The following CALCRL variants were observed in gnomAD, a reference collection of about 807,000 sequenced individuals.
The protein encoded by CALCRL is calcitonin gene-related peptide type 1 receptor.
CALCRL carries 27 observed loss-of-function variants against 60.4 expected under a neutral mutation model. The ratio of observed to expected loss-of-function variants is 0.45; its 90% CI spans 0.33 to 0.62. The LOEUF (loss-of-function observed/expected upper bound fraction) is 0.62. Among genes scored for constraint, CALCRL ranks in the 20% least tolerant of loss-of-function variants. The pLI is 0.03. For missense variants in CALCRL, 424 were observed against 540.7 expected (o/e 0.78, Z 2.14); for synonymous variants, 190 against 182.6 (o/e 1.04, Z -0.33).
At chr2:187,386,151 G>A (rs1409547086) in intron 3 of CALCRL, among the ~76,000 whole-genome samples, 1 of 39,646 alleles carries the variant, frequency 2.5e-5, no homozygotes, top group Admixed American at 2.9e-4. Context: ...AGATAGATAA[G>A]TAATTAGAAA....
chr2:187,371,137 A>G (rs1687500632), intron 8 of CALCRL, among the ~76,000 whole-genome samples: 1 of 151,986 alleles, frequency 6.6e-6, no homozygotes, highest in East Asian at 1.9e-4. Flanking sequence ...CCAGCTACTC[A>G]GGAGGCTGAG....
At chr2:187,444,659 A>G in intron 1 of CALCRL, among the ~76,000 whole-genome samples, 1 of 151,542 alleles carries the variant, frequency 6.6e-6, no homozygotes, top group East Asian at 1.9e-4. Context: ...CTAGTAACCT[A>G]GGAAACATAG....
chr2:187,362,615 A>G (rs1687104214), intron 9 of CALCRL, among the ~76,000 whole-genome samples: 1 of 152,024 alleles, frequency 6.6e-6, no homozygotes, highest in South Asian at 2.1e-4. Context: ...TCCCATAAAC[A>G]TTATAAAAGC....
At chr2:187,393,590 A>G (rs1688538363) in intron 1 of CALCRL, among the ~76,000 whole-genome samples, 1 of 152,128 alleles carries the variant, frequency 6.6e-6, no homozygotes, top group Admixed American at 6.6e-5. Flanking sequence ...GGCAGGCAGC[A>G]TATTCATCTC....
chr2:187,409,482 T>C (rs1378827172), intron 1 of CALCRL, among the ~76,000 whole-genome samples: 2 of 152,230 alleles, frequency 1.3e-5, no homozygotes, highest in Admixed American at 1.3e-4. Context: ...AGACAGCAAC[T>C]GTCCAAAGCA....
At chr2:187,359,004 G>T in intron 12 of CALCRL, 59 bp downstream of exon 12, 1 of 1,356,012 alleles carries the variant, frequency 7.4e-7, no homozygotes, top group Non-Finnish European at 1.1e-6. Context: ...TAGGCCAGAT[G>T]ATTCAGAAAT....
intron 12 of CALCRL, among the ~76,000 whole-genome samples, chr2:187,354,737 C>G (rs1175011432): frequency 1.3e-5 from 2 of 151,986 alleles, no homozygotes; most frequent in Non-Finnish European, 2.9e-5. Flanking sequence ...TACTGACCAG[C>G]TTGATGGGCT....
intron 1 of CALCRL, among the ~76,000 whole-genome samples, chr2:187,414,891 A>T (rs5025473): frequency 0.2 from 345 of 1,686 alleles, 3 homozygotes; most frequent in African/African-American, 0.39. Flanking sequence ...TTTTTTTTTA[A>T]AAAAAAAAAG....
At chr2:187,391,749 C>T (rs1688456023) in intron 1 of CALCRL, among the ~76,000 whole-genome samples, 1 of 151,866 alleles carries the variant, frequency 6.6e-6, no homozygotes, top group Non-Finnish European at 1.5e-5. Context: ...GCTTTGGCCC[C>T]CAATATCTTC....
intron 1 of CALCRL, among the ~76,000 whole-genome samples, chr2:187,392,533 C>G (rs1688490827): frequency 6.6e-6 from 1 of 152,098 alleles, no homozygotes; most frequent in Non-Finnish European, 1.5e-5. Context: ...AGTTCCACAC[C>G]TGCATGGCAA....
chr2:187,361,305 G>A (rs1250515450), intron 9 of CALCRL, among the ~76,000 whole-genome samples: 1 of 151,764 alleles, frequency 6.6e-6, no homozygotes, highest in Non-Finnish European at 1.5e-5. Context: ...ACAAAATTAT[G>A]GTTTCCCTTC....
At chr2:187,413,836 G>C (rs1449288260) in intron 1 of CALCRL, among the ~76,000 whole-genome samples, 1 of 152,046 alleles carries the variant, frequency 6.6e-6, no homozygotes, top group Non-Finnish European at 1.5e-5. Context: ...CTGGAAATTT[G>C]CTTCTAATTA....
intron 1 of CALCRL, among the ~76,000 whole-genome samples, chr2:187,401,654 C>T (rs1688891898): frequency 6.6e-6 from 1 of 151,452 alleles, no homozygotes; most frequent in Non-Finnish European, 1.5e-5. Flanking sequence ...TTTCTCCTGT[C>T]AGTGATTTCA....
chr2:187,350,429 T>TTC (rs3836103), intron 14 of CALCRL, among the ~76,000 whole-genome samples: 13,432 of 151,536 alleles, frequency 0.089, 711 homozygotes, highest in South Asian at 0.17. Context: ...TGTAACTGCA[T>TTC]TCTGTCTATG....
intron 1 of CALCRL, among the ~76,000 whole-genome samples, chr2:187,407,350 A>G: frequency 6.6e-6 from 1 of 152,130 alleles, no homozygotes; most frequent in East Asian, 1.9e-4. Context: ...GAGAATAAAG[A>G]CTGGTTAAGA....
At chr2:187,413,500 G>A (rs566739164) in intron 1 of CALCRL, among the ~76,000 whole-genome samples, 4 of 152,146 alleles carry the variant, frequency 2.6e-5, no homozygotes, top group South Asian at 4.1e-4. Context: ...AAGAGAATGC[G>A]ATAAGACTAT....
intron 1 of CALCRL, among the ~76,000 whole-genome samples, chr2:187,396,063 G>T (rs1688639883): frequency 6.6e-6 from 1 of 151,364 alleles, no homozygotes. Context: ...TTTTCCTGTG[G>T]CTCAGGAAGA....
intron 8 of CALCRL, among the ~76,000 whole-genome samples, chr2:187,372,458 T>C (rs1687572557): frequency 6.6e-6 from 1 of 152,162 alleles, no homozygotes. Flanking sequence ...CCTTTCTTTT[T>C]ATCTCCTGCT....
chr2:187,389,838 G>T (rs1688359973), intron 1 of CALCRL, among the ~76,000 whole-genome samples: 1 of 152,096 alleles, frequency 6.6e-6, no homozygotes, highest in South Asian at 2.1e-4. Flanking sequence ...GAATTTATTG[G>T]AATGTATGAT....
Sources: allele counts gnomAD v4.1 joint callset (sites outside exome capture counted in the v4.1 genomes callset), GRCh38; gene constraint gnomAD v4.1.1; transcripts MANE v1.5; gene names NCBI Gene and HGNC (gene_info 2026-07-23, HGNC 2026-07-21).